The following TENM3 variants were observed in gnomAD, a reference collection of about 807,000 sequenced individuals.
TENM3 encodes teneurin-3.
A neutral mutation model predicts 255.1 loss-of-function variants in TENM3; 63 were observed. The observed-to-expected ratio is 0.25, with a 90% confidence interval of 0.20 to 0.30. TENM3 has a LOEUF of 0.30. Among genes scored for constraint, TENM3 ranks in the 10% least tolerant of loss-of-function variants. TENM3 has a pLI of 1.00. For missense variants in TENM3, 2,929 were observed against 3,461.1 expected, an observed-to-expected ratio of 0.85 and a Z score of 3.86; for synonymous variants, 1,306 against 1,322.3, an observed-to-expected ratio of 0.99 and a Z score of 0.27.
At chr4:181,905,855 A>G in the TENM3 span, 1 of 448,130 alleles carries the variant, frequency 2.2e-6, no homozygotes, top group South Asian at 2.0e-5. Flanking sequence ...TCTTTGAGAT[A>G]TCATCATTAT....
chr4:181,841,289 C>T, the TENM3 span, among the ~76,000 whole-genome samples: 54 of 152,166 alleles, frequency 3.5e-4, no homozygotes, highest in African/African-American at 1.3e-3. Context: ...TTTATATTCT[C>T]TCTTATTTGG....
At chr4:181,664,344 C>G in the TENM3 span, among the ~76,000 whole-genome samples, 1 of 152,022 alleles carries the variant, frequency 6.6e-6, no homozygotes, top group African/African-American at 2.4e-5. Context: ...GTGGTGGTCA[C>G]CTGTAATCCC....
At chr4:182,033,293 G>T in the TENM3 span, among the ~76,000 whole-genome samples, 1 of 151,950 alleles carries the variant, frequency 6.6e-6, no homozygotes, top group Non-Finnish European at 1.5e-5. Context: ...CCTTAATTTT[G>T]CTATTTACCC....
At chr4:181,449,448 A>G in the TENM3 span, among the ~76,000 whole-genome samples, 1 of 152,142 alleles carries the variant, frequency 6.6e-6, no homozygotes, top group African/African-American at 2.4e-5. Context: ...TATTATAGGA[A>G]ACTATATTTT....
intron 22 of TENM3, among the ~76,000 whole-genome samples, chr4:182,761,724 T>C (rs997966480): frequency 6.6e-6 from 1 of 152,180 alleles, no homozygotes; most frequent in East Asian, 1.9e-4. Context: ...TTAAGAATGA[T>C]TTGCAAGAGA....
chr4:182,359,360 T>C (rs1313154738), intron 3 of TENM3, among the ~76,000 whole-genome samples: 1 of 151,344 alleles, frequency 6.6e-6, no homozygotes, highest in African/African-American at 2.4e-5. Context: ...GGACTCTTTT[T>C]GGTTGGTAAG....
At chr4:182,390,687 G>A (rs1268590735) in intron 3 of TENM3, among the ~76,000 whole-genome samples, 2 of 152,154 alleles carry the variant, frequency 1.3e-5, no homozygotes, top group Admixed American at 6.5e-5. Flanking sequence ...CCTTCAGCCC[G>A]AGGCACACTG....
At chr4:182,101,933 G>A in the TENM3 span, among the ~76,000 whole-genome samples, 1 of 152,106 alleles carries the variant, frequency 6.6e-6, no homozygotes, top group South Asian at 2.1e-4. Flanking sequence ...TGATTTTCAG[G>A]TAGAAGAGTC....
chr4:182,581,381 G>A lies in TENM3; in HGVS notation c.512-19543G>A, dbSNP rs558550628. ...AAATTGTGGAAATAATCAAAGCTGA[G>A]CCTATGGGACTGTACTTTGTAGTAC... On this transcript the variant is annotated intron_variant, in intron 3 of 27. Coordinates refer to ENST00000511685, the MANE Select transcript of TENM3 (RefSeq NM_001080477.4). 2.6e-5 allele frequency among the ~76,000 whole-genome samples: 4 copies of A among 152,272 alleles called. No homozygotes were observed. In the East Asian group the frequency reaches 7.7e-4, roughly 29 times the overall value.
chr4:182,204,219 G>A (rs1231375971), intron 1 of TENM3, among the ~76,000 whole-genome samples: 1 of 152,148 alleles, frequency 6.6e-6, no homozygotes, highest in African/African-American at 2.4e-5. Context: ...GGTGATAATG[G>A]GCTCTGATAC....
intron 1 of TENM3, among the ~76,000 whole-genome samples, chr4:182,250,075 C>T (rs1463737827): frequency 3.0e-5 from 4 of 134,000 alleles, no homozygotes; most frequent in East Asian, 4.2e-4. Context: ...TTTTTTGAGA[C>T]GGAGTCTTGC....
At chr4:182,649,874 C>T (rs2152508009) in intron 5 of TENM3, among the ~76,000 whole-genome samples, 1 of 150,290 alleles carries the variant, frequency 6.7e-6, no homozygotes, top group African/African-American at 2.4e-5. Context: ...TGTTTCACTT[C>T]CTTCTCTATG....
chr4:182,508,731 GTCCTT>G (rs1737079287), intron 3 of TENM3, among the ~76,000 whole-genome samples: 2 of 152,150 alleles, frequency 1.3e-5, no homozygotes, highest in African/African-American at 4.8e-5. Context: ...GATGAAATGG[GTCCTT>G]TCTTCTTTCC....
intron 3 of TENM3, among the ~76,000 whole-genome samples, chr4:182,494,139 A>C (rs1259945311): frequency 6.6e-6 from 1 of 152,178 alleles, no homozygotes; most frequent in Non-Finnish European, 1.5e-5. Flanking sequence ...TACCTAACCA[A>C]AATCCTTTTT....
At chr4:182,120,391 A>G in the TENM3 span, among the ~76,000 whole-genome samples, 2 of 152,166 alleles carry the variant, frequency 1.3e-5, no homozygotes, top group African/African-American at 4.8e-5. Flanking sequence ...CTAAGGAGGC[A>G]TTTCTCAGAA....
chr4:182,023,782 A>G, the TENM3 span, among the ~76,000 whole-genome samples: 2 of 152,242 alleles, frequency 1.3e-5, no homozygotes, highest in African/African-American at 2.4e-5. Context: ...TTTTGCTCAT[A>G]TAATTTGTAG....
At chr4:182,222,091 C>T (rs1755882590) in intron 1 of TENM3, among the ~76,000 whole-genome samples, 1 of 152,184 alleles carries the variant, frequency 6.6e-6, no homozygotes, top group African/African-American at 2.4e-5. Context: ...GAGGTTTACA[C>T]ATGTTAAACC....
chr4:181,481,586 C>T, the TENM3 span, among the ~76,000 whole-genome samples: 1 of 152,116 alleles, frequency 6.6e-6, no homozygotes, highest in African/African-American at 2.4e-5. Flanking sequence ...GCAACTAAGG[C>T]CCAGAGAGGT....
chr4:181,501,399 G>T, the TENM3 span, among the ~76,000 whole-genome samples: 1 of 149,530 alleles, frequency 6.7e-6, no homozygotes, highest in African/African-American at 2.5e-5. Context: ...TTTTTTTTAA[G>T]ATGGAGTCTC....
Sources: gnomAD v4.1 joint callset for allele counts (sites outside exome capture counted in the v4.1 genomes callset) on GRCh38, gnomAD v4.1.1 for gene constraint, MANE v1.5 for transcripts, NCBI Gene and HGNC (gene_info 2026-07-23, HGNC 2026-07-21) for gene names.